Variants in NRG1 observed in about 807,000 individuals in gnomAD.
NRG1 encodes the protein pro-neuregulin-1, membrane-bound isoform.
In NRG1, 18 loss-of-function variants were observed where a neutral mutation model predicts 63.8. The observed-to-expected ratio is 0.28, with a 90% CI of 0.19 to 0.42. The LOEUF is 0.42. Among genes scored for constraint, NRG1 ranks in the 10% least tolerant of loss-of-function variants. NRG1 has a pLI of 1.00. For missense variants in NRG1, 762 were observed against 814.7 expected (o/e 0.94, Z 0.79); for synonymous variants, 302 against 301.3 (o/e 1.00, Z -0.02).
At chr8:32,024,237 C>T (rs968305364) in intron 1 of NRG1, among the ~76,000 whole-genome samples, 12 of 152,136 alleles carry the variant, frequency 7.9e-5, no homozygotes, top group Non-Finnish European at 1.5e-4. Context: ...ATACTTTGTT[C>T]CTCTGCAAAA....
At chr8:32,322,291 AT>A (rs1801489216) in intron 1 of NRG1, among the ~76,000 whole-genome samples, 1 of 151,638 alleles carries the variant, frequency 6.6e-6, no homozygotes, top group Admixed American at 6.6e-5. Flanking sequence ...ACTTTACAAA[AT>A]ATAATGGTTG....
chr8:31,990,062 G>A (rs1027846379), intron 1 of NRG1, among the ~76,000 whole-genome samples: 1 of 152,036 alleles, frequency 6.6e-6, no homozygotes, highest in Non-Finnish European at 1.5e-5. Flanking sequence ...GTGTAGCCCT[G>A]TGCCTCCAAG....
At chr8:32,736,472 G>A (rs1326165429) in intron 6 of NRG1, among the ~76,000 whole-genome samples, 1 of 152,218 alleles carries the variant, frequency 6.6e-6, no homozygotes, top group African/African-American at 2.4e-5. Context: ...CAGAGAGAGA[G>A]CAAAGGCTTT....
chr8:32,101,239 C>T (rs1289895843), intron 1 of NRG1, among the ~76,000 whole-genome samples: 1 of 152,078 alleles, frequency 6.6e-6, no homozygotes, highest in Non-Finnish European at 1.5e-5. Context: ...GTAAGTGATT[C>T]TGAGCCCCTC....
intron 1 of NRG1, among the ~76,000 whole-genome samples, chr8:32,224,926 T>C (rs1421313106): frequency 6.6e-6 from 1 of 152,136 alleles, no homozygotes; most frequent in African/African-American, 2.4e-5. Context: ...AACTTCCAGA[T>C]GGCAGTGAGA....
At chr8:32,764,670 T>G (rs138045417) in exon 12 of NRG1, 6 of 260,784 alleles carry the variant, frequency 2.3e-5, no homozygotes, top group East Asian at 7.8e-5. Flanking sequence ...CAGTGATTGC[T>G]TTTCCACAGT....
At chr8:32,158,308 G>A (rs2131884005) in intron 1 of NRG1, among the ~76,000 whole-genome samples, 1 of 151,276 alleles carries the variant, frequency 6.6e-6, no homozygotes, top group African/African-American at 2.4e-5. Flanking sequence ...TATCCGTCTG[G>A]GGTGCCATGT....
chr8:32,481,728 A>C (rs1407336957), intron 1 of NRG1, among the ~76,000 whole-genome samples: 1 of 152,246 alleles, frequency 6.6e-6, no homozygotes, highest in African/African-American at 2.4e-5. Flanking sequence ...AAATACATTA[A>C]TATATAGATA....
At chr8:32,331,964 GT>G (rs1028456445) in intron 1 of NRG1, among the ~76,000 whole-genome samples, 1 of 151,780 alleles carries the variant, frequency 6.6e-6, no homozygotes, top group Non-Finnish European at 1.5e-5. Context: ...ATGAAGGGAA[GT>G]TTTTTTTAAT....
chr8:31,924,364 A>T (rs63741263), intron 1 of NRG1, among the ~76,000 whole-genome samples: 5 of 142,370 alleles, frequency 3.5e-5, no homozygotes, highest in African/African-American at 1.3e-4. Flanking sequence ...AAAAAAAAAA[A>T]TTGCTTATCC....
In NRG1 at chr8:32,126,284, A is replaced by G. The variant is rs529298341; in HGVS notation, c.38-469544A>G. ...GTATGATAGAATGTGTAACCACTTA[A>G]TCTACCTTAAGATGCTATTGGGCAA... On this transcript the variant is annotated intron_variant, in intron 1 of 10. Coordinates refer to the NRG1 transcript ENST00000519301. 9.2e-5 allele frequency among the ~76,000 whole-genome samples: 14 copies of G among 151,982 alleles called. No homozygotes were observed. The South Asian group carries it at 2.7e-3, about 29-fold the overall frequency.
intron 1 of NRG1, among the ~76,000 whole-genome samples, chr8:32,011,394 C>G (rs1009457470): frequency 6.6e-6 from 1 of 152,064 alleles, no homozygotes; most frequent in Non-Finnish European, 1.5e-5. Context: ...GCAGCCTTTA[C>G]GTATCCCACG....
chr8:32,754,374 G>A, exon 8 of NRG1: 1 of 1,613,628 alleles, frequency 6.2e-7, no homozygotes. Context: ...CTTTCCAGAG[G>A]CGGAGGAGCT....
At chr8:32,457,366 T>C (rs1821732900) in intron 1 of NRG1, among the ~76,000 whole-genome samples, 1 of 152,180 alleles carries the variant, frequency 6.6e-6, no homozygotes, top group South Asian at 2.1e-4. Context: ...TTCTTTTCTG[T>C]AAAGTGCTTT....
chr8:32,135,234 C>A (rs1038281), intron 1 of NRG1, among the ~76,000 whole-genome samples: 3,915 of 152,188 alleles, frequency 0.026, 178 homozygotes, highest in African/African-American at 0.089. Context: ...CTAAATATAG[C>A]AGAATACATT....
chr8:32,017,931 G>T (rs1342254164), intron 1 of NRG1, among the ~76,000 whole-genome samples: 2 of 152,142 alleles, frequency 1.3e-5, no homozygotes, highest in Non-Finnish European at 2.9e-5. Flanking sequence ...CCTGGAGGTT[G>T]GGGGTGGGAC....
At chr8:32,263,026 G>T (rs181418019) in intron 1 of NRG1, among the ~76,000 whole-genome samples, 5 of 152,152 alleles carry the variant, frequency 3.3e-5, no homozygotes, top group African/African-American at 1.2e-4. Flanking sequence ...CCTCTTAATT[G>T]GCTATGTATA....
At chr8:32,009,876 C>A (rs929885245) in intron 1 of NRG1, among the ~76,000 whole-genome samples, 3 of 151,786 alleles carry the variant, frequency 2.0e-5, no homozygotes, top group South Asian at 2.1e-4. Flanking sequence ...TCTCTCCCCC[C>A]AGCCCTCCCA....
chr8:31,947,963 A>C (rs920962680), intron 1 of NRG1, among the ~76,000 whole-genome samples: 16 of 150,786 alleles, frequency 1.1e-4, no homozygotes, highest in Middle Eastern at 3.4e-3. Context: ...AAAAAAAAAA[A>C]AAAAAAAAAC....
Sources: allele counts gnomAD v4.1 joint callset (sites outside exome capture counted in the v4.1 genomes callset), GRCh38; gene constraint gnomAD v4.1.1; transcripts MANE v1.5; gene names NCBI Gene and HGNC (gene_info 2026-07-23, HGNC 2026-07-21).